The following CHN1 variants were observed in gnomAD, a reference collection of about 807,000 sequenced individuals.
CHN1 encodes N-chimaerin.
Under a neutral mutation model 59.5 loss-of-function variants are expected in CHN1, and 37 were observed. The observed-to-expected ratio is 0.62, with a 90% CI of 0.48 to 0.82. The LOEUF (loss-of-function observed/expected upper bound fraction) is 0.82, where lower values mean the gene tolerates loss of function less well. Among genes scored for constraint, CHN1 ranks in the 40% least tolerant of loss-of-function variants. The pLI, the probability that CHN1 is intolerant of heterozygous loss-of-function variation, is 0.00. For missense variants in CHN1, 469 were observed against 571.0 expected (o/e 0.82, Z 1.82); for synonymous variants, 206 against 200.4 (o/e 1.03, Z -0.24).
At position 175,005,082 on chromosome 2, in the gene CHN1, T is replaced by G. The variant is rs1210601143; in HGVS notation, c.-170A>C. The stretch of plus-strand genomic sequence containing the variant: ...TGCAGGCCGGGACGCGGGGGACCGC[T>G]GCAAGAAAAAGTTATTCACGCGTTA... On this transcript the variant is annotated 5_prime_UTR_variant, in exon 1 of 13. Transcript: ENST00000409900. 2 of 1,335,672 alleles carry G rather than the reference T, an allele frequency of 1.5e-6. No individual in the cohort carries two copies. The highest frequency in any genetic ancestry group is 1.9e-6 in the Non-Finnish European group (2 of 1,041,966). The allele number at this position is 1,335,672 out of a possible 1,614,324, so 82.7% of individuals were successfully genotyped here.
intron 5 of CHN1, among the ~76,000 whole-genome samples, chr2:174,897,018 G>C (rs1050888268): frequency 6.6e-6 from 1 of 152,078 alleles, no homozygotes; most frequent in Non-Finnish European, 1.5e-5. Flanking sequence ...GGAAGCAAAG[G>C]AAGAAAGGGA....
chr2:174,906,833 C>G (rs1688556687), intron 5 of CHN1, among the ~76,000 whole-genome samples: 1 of 152,000 alleles, frequency 6.6e-6, no homozygotes, highest in African/African-American at 2.4e-5. Context: ...ATTTTTTTCT[C>G]TATCAAGTTA....
intron 1 of CHN1, among the ~76,000 whole-genome samples, chr2:174,962,975 G>A (rs1381131962): frequency 6.6e-6 from 1 of 152,012 alleles, no homozygotes; most frequent in Non-Finnish European, 1.5e-5. Context: ...TTTAAATTAA[G>A]TATATACCCA....
intron 1 of CHN1, among the ~76,000 whole-genome samples, chr2:174,957,837 T>C (rs1378774225): frequency 6.6e-6 from 1 of 152,140 alleles, no homozygotes; most frequent in Admixed American, 6.5e-5. Context: ...AATTTTTGTT[T>C]GCCTGGGGCC....
intron 3 of CHN1, among the ~76,000 whole-genome samples, chr2:174,934,518 G>A (rs1023078369): frequency 2.2e-4 from 33 of 152,298 alleles, no homozygotes; most frequent in Admixed American, 8.5e-4. Context: ...GCCACAAGAC[G>A]GTACCAGTCT....
chr2:174,843,421 TAG>T (rs1165440306), intron 7 of CHN1, among the ~76,000 whole-genome samples: 2 of 152,040 alleles, frequency 1.3e-5, no homozygotes, highest in Non-Finnish European at 2.9e-5. Context: ...GTATTTTTAG[TAG>T]AGACAGGGTT....
At chr2:174,940,115 C>T (rs1221336789) in intron 3 of CHN1, among the ~76,000 whole-genome samples, 1 of 152,048 alleles carries the variant, frequency 6.6e-6, no homozygotes, top group African/African-American at 2.4e-5. Flanking sequence ...CTGCAACCTC[C>T]GCCTCCTGGG....
intron 6 of CHN1, among the ~76,000 whole-genome samples, chr2:174,874,622 A>G (rs1340286897): frequency 6.6e-6 from 1 of 152,100 alleles, no homozygotes; most frequent in East Asian, 1.9e-4. Context: ...GGACTGCAAC[A>G]AAAAAATAAA....
chr2:174,890,308 A>C (rs1003165056), intron 5 of CHN1, among the ~76,000 whole-genome samples: 3 of 152,196 alleles, frequency 2.0e-5, no homozygotes, highest in African/African-American at 7.2e-5. Flanking sequence ...TTACTAAGTA[A>C]AAAGCTGTTA....
chr2:174,905,249 A>C (rs973054791), intron 5 of CHN1, among the ~76,000 whole-genome samples: 1 of 152,202 alleles, frequency 6.6e-6, no homozygotes, highest in Non-Finnish European at 1.5e-5. Context: ...TGTACCTTAA[A>C]GCAGATACAC....
At chr2:174,801,149 G>A (rs1426749579) in intron 12 of CHN1, among the ~76,000 whole-genome samples, 2 of 152,128 alleles carry the variant, frequency 1.3e-5, no homozygotes, top group African/African-American at 4.8e-5. Context: ...CATGACTATC[G>A]CCTGAAAACA....
At chr2:174,872,557 T>C (rs1445548076) in intron 6 of CHN1, among the ~76,000 whole-genome samples, 1 of 152,148 alleles carries the variant, frequency 6.6e-6, no homozygotes, top group Non-Finnish European at 1.5e-5. Flanking sequence ...ATAATATATT[T>C]TGGCCTTAAA....
chr2:174,819,296 T>C (rs1459772303), intron 8 of CHN1, among the ~76,000 whole-genome samples: 1 of 152,228 alleles, frequency 6.6e-6, no homozygotes, highest in Non-Finnish European at 1.5e-5. Context: ...AGGGCTTGTA[T>C]ACCTGAAGTA....
chr2:174,821,552 T>C (rs992432088), intron 8 of CHN1, among the ~76,000 whole-genome samples: 1 of 152,174 alleles, frequency 6.6e-6, no homozygotes, highest in African/African-American at 2.4e-5. Flanking sequence ...ATGATTAGCT[T>C]ATGAGGGCGC....
intron 11 of CHN1, among the ~76,000 whole-genome samples, chr2:174,803,646 C>T (rs1402566558): frequency 2.0e-5 from 3 of 152,318 alleles, no homozygotes; most frequent in African/African-American, 4.8e-5. Context: ...CCTCGACTTC[C>T]TGGGCTCAGG....
intron 1 of CHN1, among the ~76,000 whole-genome samples, chr2:174,958,410 T>A (rs752955708): frequency 6.6e-6 from 1 of 152,202 alleles, no homozygotes. Flanking sequence ...CCCACTCAAT[T>A]TGCAGTTGGT....
rs886055156 is a variant in CHN1, at chr2:175,005,016, G to A, written c.-104C>T. The A allele has an allele frequency of 6.8e-7, 1 of 1,479,056 alleles. No individual in the cohort carries two copies. Among genetic ancestry groups the A allele is most frequent in the Non-Finnish European group, 9.0e-7 (1 of 1,115,374 alleles). 91.6% of individuals were successfully genotyped at this position (1,479,056 alleles called of 1,614,324 possible). On this transcript the variant is annotated 5_prime_UTR_variant, in exon 1 of 13. Coordinates refer to ENST00000409900, the MANE Select transcript of CHN1 (RefSeq NM_001822.7). ...ACCCACACCTCGGAGAGAGTGGGGTGCCCGATGGGGCGTGCTGGGGGCGCC... is the reference window on the plus strand; with the variant it reads ...ACCCACACCTCGGAGAGAGTGGGGTACCCGATGGGGCGTGCTGGGGGCGCC...
intron 2 of CHN1, among the ~76,000 whole-genome samples, chr2:174,951,745 T>G (rs2105412597): frequency 6.6e-6 from 1 of 152,314 alleles, no homozygotes; most frequent in African/African-American, 2.4e-5. Flanking sequence ...TAGATCACCT[T>G]TTTTTGCCTC....
chr2:174,976,008 C>T (rs1332542227), intron 1 of CHN1, among the ~76,000 whole-genome samples: 2 of 150,484 alleles, frequency 1.3e-5, no homozygotes, highest in African/African-American at 4.9e-5. Flanking sequence ...TGTCTGTAGT[C>T]CCAGCTACTT....
Sources: allele counts gnomAD v4.1 joint callset (sites outside exome capture counted in the v4.1 genomes callset), GRCh38; gene constraint gnomAD v4.1.1; transcripts MANE v1.5; gene names NCBI Gene and HGNC (gene_info 2026-07-23, HGNC 2026-07-21).